Variants in PATJ observed in about 807,000 individuals in gnomAD.
PATJ encodes the protein PATJ crumbs cell polarity complex component.
PATJ carries 190 observed loss-of-function variants against 224.9 expected under a neutral mutation model. The observed-to-expected ratio is 0.84, with a 90% CI of 0.75 to 0.95. The LOEUF is 0.95. Among genes scored for constraint, PATJ ranks in the 40% least tolerant of loss-of-function variants. The pLI is 0.00. For missense variants in PATJ, 2,121 were observed against 2,270.3 expected, an observed-to-expected ratio of 0.93 and a Z score of 1.34; for synonymous variants, 769 against 820.3, an observed-to-expected ratio of 0.94 and a Z score of 1.07.
chr1:61,954,776 C>G (rs1680208056), intron 27 of PATJ, among the ~76,000 whole-genome samples: 2 of 130,142 alleles, frequency 1.5e-5, no homozygotes, highest in South Asian at 4.8e-4. Context: ...TTTTTTGAGA[C>G]AGAGTCTCGC....
At position 61,755,062 on chromosome 1, in the gene PATJ, C is replaced by T. The variant is rs914875334; in HGVS notation, c.-35-7796C>T. On this transcript the variant is annotated intron_variant, in intron 1 of 43. Coordinates refer to ENST00000642238, the MANE Select transcript of PATJ (RefSeq NM_001350145.3). ...CGCCTGTAATCCCTGGGGGATTACACTTTGGGAGGCCGAGGCGGGTTGGTC... is the reference window on the plus strand; with the variant it reads ...CGCCTGTAATCCCTGGGGGATTACATTTTGGGAGGCCGAGGCGGGTTGGTC... Among the ~76,000 whole-genome samples the T allele has an allele frequency of 3.3e-5, 5 of 152,030 alleles. No homozygotes were observed. The South Asian group carries it at 6.2e-4, about 19-fold the overall frequency.
In PATJ at chr1:61,795,516, G is replaced by A. The variant is rs200494762; in HGVS notation, c.1218G>A (p.Ala406=). 3.6e-4 allele frequency: 586 copies of A among 1,610,534 alleles called. 4 individuals are homozygous for A. Among genetic ancestry groups the A allele is most frequent in the Middle Eastern group, 3.3e-3 (20 of 6,052 alleles). Residue 406 remains alanine (A), a synonymous_variant, in exon 10 of 44, where the codon GCG becomes GCA. Transcript: ENST00000642238. ...AAAGTATAATACCTGGCAGTGCTGC[G>A]TACCACAATGGCCACATTCAAGTGA... The part of the protein sequence containing the change: ...YVKSIIPGSA[A]YHNGHIQVND...
chr1:61,897,389 G>A (rs2482864), intron 22 of PATJ, among the ~76,000 whole-genome samples: 36,161 of 152,046 alleles, frequency 0.24, 4,947 homozygotes, highest in African/African-American at 0.37. Context: ...CCAAATAAAG[G>A]CAAGTTTTTT....
chr1:62,137,146 T>A (rs1307690342), intron 41 of PATJ, among the ~76,000 whole-genome samples: 1 of 151,996 alleles, frequency 6.6e-6, no homozygotes, highest in Non-Finnish European at 1.5e-5. Context: ...ATACACAATA[T>A]TTCACTGTAG....
chr1:61,854,754 C>T (rs1053015234), intron 17 of PATJ, among the ~76,000 whole-genome samples: 1 of 152,160 alleles, frequency 6.6e-6, no homozygotes, highest in African/African-American at 2.4e-5. Flanking sequence ...TCAAGCCCAA[C>T]ATATAGTAAG....
chr1:61,958,502 C>T (rs985680012), intron 27 of PATJ, among the ~76,000 whole-genome samples: 2 of 152,174 alleles, frequency 1.3e-5, no homozygotes, highest in African/African-American at 4.8e-5. Flanking sequence ...TTAAAGCCCT[C>T]TATGGTTAAA....
chr1:61,996,686 A>G lies in PATJ; in HGVS notation c.3867+6322A>G, dbSNP rs564590051. On this transcript the variant is annotated intron_variant, in intron 28 of 43. Transcript: ENST00000642238. Reference sequence around the variant, plus strand: ...ACAAAGAATTAAAAATTGCAAGAAAATGACTTTTCCTGTAGCTTTATTAAT... The same window carrying G: ...ACAAAGAATTAAAAATTGCAAGAAAGTGACTTTTCCTGTAGCTTTATTAAT... Among the ~76,000 whole-genome samples, 391 of 151,574 alleles carry G rather than the reference A, an allele frequency of 2.6e-3. 4 individuals carry two copies. Among genetic ancestry groups the G allele is most frequent in the African/African-American group, 8.8e-3 (362 of 41,304 alleles).
At chr1:61,771,725 T>A in intron 6 of PATJ, 99 bp downstream of exon 6, 1 of 325,362 alleles carries the variant, frequency 3.1e-6, no homozygotes, top group East Asian at 1.2e-4. Flanking sequence ...CTTTCTTTCC[T>A]TTTTTTTTTT....
chr1:61,853,306 T>C (rs1356016268), intron 17 of PATJ, among the ~76,000 whole-genome samples: 1 of 152,172 alleles, frequency 6.6e-6, no homozygotes, highest in East Asian at 1.9e-4. Flanking sequence ...GTGGGTTGCA[T>C]TTTGAAAACC....
intron 31 of PATJ, among the ~76,000 whole-genome samples, chr1:62,078,305 G>A (rs1444112252): frequency 3.3e-5 from 5 of 152,092 alleles, no homozygotes; most frequent in African/African-American, 9.7e-5. Context: ...TTTTGGAGAC[G>A]GAGTTTCATT....
intron 26 of PATJ, among the ~76,000 whole-genome samples, chr1:61,924,484 T>G (rs1334447748): frequency 6.6e-6 from 1 of 152,224 alleles, no homozygotes; most frequent in East Asian, 1.9e-4. Flanking sequence ...ATTATGAACT[T>G]TGATTATGTG....
chr1:61,810,152 G>T (rs1293578782), intron 14 of PATJ, among the ~76,000 whole-genome samples: 1 of 151,992 alleles, frequency 6.6e-6, no homozygotes, highest in African/African-American at 2.4e-5. Flanking sequence ...GCCTGGCCAG[G>T]TTTGAATTTT....
intron 1 of PATJ, among the ~76,000 whole-genome samples, chr1:61,748,418 C>A (rs1645142693): frequency 6.6e-6 from 1 of 150,838 alleles, no homozygotes; most frequent in Non-Finnish European, 1.5e-5. Flanking sequence ...CCACGTCTGG[C>A]TAATTTTTTG....
chr1:61,814,547 T>TGTGGGC (rs370488022), intron 14 of PATJ, among the ~76,000 whole-genome samples: 3 of 142,494 alleles, frequency 2.1e-5, no homozygotes, highest in Non-Finnish European at 3.1e-5. Flanking sequence ...TGTGTGTGTG[T>TGTGGGC]GCGCGCGCGC....
In PATJ at chr1:62,091,258, A is replaced by G. The variant is rs549379297; in HGVS notation, c.4377+6610A>G. Among the ~76,000 whole-genome samples, 7 of 152,304 alleles carry G rather than the reference A, an allele frequency of 4.6e-5. No homozygotes were observed. The East Asian group carries it at 9.7e-4, about 21-fold the overall frequency. ...CAGGCTATAGACAATGTGTTCTACC[A>G]AACCTAAAAGGCACCATAGCAGAGT... On this transcript the variant is annotated intron_variant, in intron 33 of 43. Transcript: ENST00000642238.
chr1:61,834,050 T>A (rs140138629), intron 17 of PATJ, among the ~76,000 whole-genome samples: 1,523 of 152,294 alleles, frequency 0.01, 9 homozygotes, highest in Admixed American at 0.015. Context: ...ATGAACTTGT[T>A]TATATGGAGG....
chr1:61,832,473 G>A (rs575967312), intron 16 of PATJ, among the ~76,000 whole-genome samples: 27 of 152,156 alleles, frequency 1.8e-4, no homozygotes, highest in African/African-American at 4.3e-4. Flanking sequence ...TGTGTGTAGA[G>A]ATGATGCATT....
At chr1:61,744,260 G>T (rs1318582441) in intron 1 of PATJ, among the ~76,000 whole-genome samples, 1 of 116,654 alleles carries the variant, frequency 8.6e-6, no homozygotes, top group Admixed American at 1.3e-4. Context: ...CTCCAGCCTG[G>T]GTGACAGAGC....
At chr1:61,882,390 T>G (rs1176754266) in intron 21 of PATJ, among the ~76,000 whole-genome samples, 1 of 152,082 alleles carries the variant, frequency 6.6e-6, no homozygotes, top group Non-Finnish European at 1.5e-5. Flanking sequence ...AAAAAACAAT[T>G]AAGTGTGTTC....
Sources: gnomAD v4.1 joint callset for allele counts (sites outside exome capture counted in the v4.1 genomes callset) on GRCh38, gnomAD v4.1.1 for gene constraint, MANE v1.5 for transcripts, NCBI Gene and HGNC (gene_info 2026-07-23, HGNC 2026-07-21) for gene names.